The following KCNMA1 variants were observed in gnomAD, a reference collection of about 807,000 sequenced individuals.
The protein encoded by KCNMA1 is potassium calcium-activated channel subfamily M alpha 1, also known as Calcium-activated potassium channel subunit alpha-1.
A neutral mutation model predicts 140.0 loss-of-function variants in KCNMA1; 29 were observed. The observed-to-expected ratio is 0.21, with a 90% CI of 0.15 to 0.28. KCNMA1 has a LOEUF of 0.28. Among genes scored for constraint, KCNMA1 ranks in the 10% least tolerant of loss-of-function variants. The probability of loss-of-function intolerance (pLI) is 1.00; values close to 1 mark genes in which losing one functional copy is unlikely to be tolerated. For synonymous variants in KCNMA1, 612 were observed against 611.9 expected (o/e 1.00, Z 0.00); for missense variants, 880 against 1,602.2 (o/e 0.55, Z 7.70).
chr10:77,358,945 T>C (rs1437620388), intron 2 of KCNMA1, among the ~76,000 whole-genome samples: 1 of 152,210 alleles, frequency 6.6e-6, no homozygotes, highest in Non-Finnish European at 1.5e-5. Context: ...CTTCACTCTC[T>C]TACACAATGA....
chr10:77,506,596 A>AGAGAGAGAGAGTGT lies in KCNMA1; in HGVS notation c.379-102574_379-102573insACACTCTCTCTCTC. Among the ~76,000 whole-genome samples, 134 of 83,554 alleles carry AGAGAGAGAGAGTGT rather than the reference A, an allele frequency of 1.6e-3. 4 individuals carry two copies. The highest frequency in any genetic ancestry group is 8.1e-3 in the African/African-American group (108 of 13,402). 54.8% of individuals were successfully genotyped at this position (83,554 alleles called of 152,430 possible). A position where few individuals can be genotyped will look rare whatever the true frequency, so the allele number is the denominator to read the frequency against. ...TAGAGAGAGAGAGAGAGAGAGAGAGAGTGTGTGTGTGTGTGTGTGTGTGTT... is the reference window on the plus strand; with the variant it reads ...TAGAGAGAGAGAGAGAGAGAGAGAGAGAGAGAGAGAGTGTGTGTGTGTGTGTGTGTGTGTGTGTT... On this transcript the variant is annotated intron_variant, in intron 1 of 27. Transcript: ENST00000286628.
intron 20 of KCNMA1, among the ~76,000 whole-genome samples, chr10:76,956,362 G>A (rs1041901921): frequency 6.6e-6 from 1 of 152,158 alleles, no homozygotes; most frequent in African/African-American, 2.4e-5. Context: ...GAGGCATCCA[G>A]GAAGTCTTAG....
At chr10:77,214,928 C>T (rs1276956119) in intron 3 of KCNMA1, among the ~76,000 whole-genome samples, 2 of 152,154 alleles carry the variant, frequency 1.3e-5, no homozygotes, top group Non-Finnish European at 2.9e-5. Flanking sequence ...CCAGATGGTA[C>T]CATCAACTCA....
chr10:77,126,302 C>G (rs2097731475), intron 5 of KCNMA1, among the ~76,000 whole-genome samples: 1 of 151,938 alleles, frequency 6.6e-6, no homozygotes, highest in Non-Finnish European at 1.5e-5. Context: ...TTTACAGTTT[C>G]AAAAAATAGT....
intron 3 of KCNMA1, among the ~76,000 whole-genome samples, chr10:77,239,018 G>A (rs969796647): frequency 9.2e-5 from 14 of 152,090 alleles, no homozygotes; most frequent in Admixed American, 2.0e-4. Context: ...AGACACAGCC[G>A]CCAAATGCAC....
Position 76,930,782 on chromosome 10 carries a change from C to CAT in KCNMA1, c.2902+13989_2902+13990dup, listed in dbSNP as rs1291226065. Reference sequence around the variant, plus strand: ...GGTCTGTGTTGTGTATGTACCTGCACATATATATAATGGAATATTATTCAG... The same window carrying CAT: ...GGTCTGTGTTGTGTATGTACCTGCACATATATATATAATGGAATATTATTCAG... On this transcript the variant is annotated intron_variant, in intron 23 of 27. Transcript: ENST00000286628. Among the ~76,000 whole-genome samples the CAT allele has an allele frequency of 2.6e-5, 4 of 151,804 alleles. No individual in the cohort carries two copies. In the East Asian group the frequency reaches 7.8e-4, roughly 29 times the overall value.
chr10:76,977,708 T>C lies in KCNMA1; in HGVS notation c.2267-7641A>G, dbSNP rs147071156. ...CCTGAAGTGCACAGATCTGGGGACA[T>C]TGGGAGGAACAGAGGTAGCTTAGTG... On this transcript the variant is annotated intron_variant, in intron 19 of 27. Coordinates refer to ENST00000286628, the MANE Select transcript of KCNMA1 (RefSeq NM_001161352.2). 5.0e-5 allele frequency: 35 copies of C among 699,628 alleles called. 1 individual carries two copies. In the Middle Eastern group the frequency reaches 1.6e-3, roughly 32 times the overall value. The allele number at this position is 699,628 out of a possible 1,614,324, so 43.3% of individuals were successfully genotyped here. A position where few individuals can be genotyped will look rare whatever the true frequency, so the allele number is the denominator to read the frequency against.
intron 5 of KCNMA1, chr10:77,147,710 T>TG (rs2098333281): frequency 6.6e-6 from 1 of 152,194 alleles, no homozygotes; most frequent in African/African-American, 2.4e-5. Context: ...CCACTTCCCA[T>TG]GGTGAGCCCC....
At chr10:77,463,572 C>T (rs944406506) in intron 1 of KCNMA1, among the ~76,000 whole-genome samples, 1 of 152,186 alleles carries the variant, frequency 6.6e-6, no homozygotes, top group Non-Finnish European at 1.5e-5. Context: ...GCTAAAAATA[C>T]AAACTAGGTT....
At chr10:77,322,720 G>T (rs2082717088) in intron 2 of KCNMA1, among the ~76,000 whole-genome samples, 1 of 152,126 alleles carries the variant, frequency 6.6e-6, no homozygotes, top group African/African-American at 2.4e-5. Context: ...CTACCTGGGA[G>T]CTGGCAGATA....
intron 14 of KCNMA1, among the ~76,000 whole-genome samples, chr10:77,054,731 A>G (rs753153932): frequency 2.6e-5 from 4 of 152,198 alleles, no homozygotes; most frequent in Non-Finnish European, 5.9e-5. Flanking sequence ...AACCACAAAA[A>G]TTACACTCAG....
At chr10:77,346,434 G>A (rs992480046) in intron 2 of KCNMA1, among the ~76,000 whole-genome samples, 2 of 152,040 alleles carry the variant, frequency 1.3e-5, no homozygotes, top group African/African-American at 4.8e-5. Context: ...GGTACCTTGG[G>A]TCATTTGTTT....
intron 18 of KCNMA1, among the ~76,000 whole-genome samples, chr10:77,005,336 C>G (rs1411082702): frequency 1.3e-5 from 2 of 152,196 alleles, no homozygotes; most frequent in African/African-American, 4.8e-5. Flanking sequence ...AGCCTAGGGT[C>G]TGCAGCCACA....
chr10:77,449,082 GA>G (rs373023965), intron 1 of KCNMA1, among the ~76,000 whole-genome samples: 1,881 of 121,528 alleles, frequency 0.015, 40 homozygotes, highest in Middle Eastern at 0.055. Context: ...GCAAGACTCC[GA>G]AAAAAAAAAA....
chr10:76,870,098 G>A (rs531332937), exon 28 of KCNMA1: 1 of 152,846 alleles, frequency 6.5e-6, no homozygotes, highest in East Asian at 1.9e-4. Context: ...TTGCAGTTCT[G>A]GTCAAAGGCG....
intron 19 of KCNMA1, chr10:76,977,423 C>A (rs978349773): frequency 1.6e-6 from 1 of 623,266 alleles, no homozygotes; most frequent in Non-Finnish European, 2.9e-6. Context: ...TTTTATCAGA[C>A]CATAGCCACA....
intron 20 of KCNMA1, among the ~76,000 whole-genome samples, chr10:76,961,807 T>A (rs1592068365): frequency 2.0e-5 from 3 of 152,348 alleles, no homozygotes; most frequent in Admixed American, 2.0e-4. Flanking sequence ...AGTAAATTAT[T>A]TTAATGAAGG....
chr10:77,281,666 A>G (rs2068642105), intron 2 of KCNMA1, among the ~76,000 whole-genome samples: 1 of 152,162 alleles, frequency 6.6e-6, no homozygotes, highest in Admixed American at 6.5e-5. Flanking sequence ...TTATGATGGG[A>G]TGCCCTTTTC....
intron 5 of KCNMA1, among the ~76,000 whole-genome samples, chr10:77,175,507 G>A (rs563652140): frequency 9.9e-5 from 15 of 152,272 alleles, no homozygotes; most frequent in East Asian, 3.9e-4. Flanking sequence ...GGGACATAGC[G>A]AAAAACAAGG....
Sources: gnomAD v4.1 joint callset for allele counts (sites outside exome capture counted in the v4.1 genomes callset) on GRCh38, gnomAD v4.1.1 for gene constraint, MANE v1.5 for transcripts, NCBI Gene and HGNC (gene_info 2026-07-23, HGNC 2026-07-21) for gene names.